The following RAB30 variants were observed in gnomAD, a reference collection of about 807,000 sequenced individuals.
RAB30 encodes the protein ras-related protein Rab-30.
Under a neutral mutation model 25.1 loss-of-function variants are expected in RAB30, and 9 were observed. That is an observed-to-expected ratio of 0.36 (90% confidence interval 0.22 to 0.63). The LOEUF (loss-of-function observed/expected upper bound fraction) is 0.63, where lower values mean the gene tolerates loss of function less well. Ranked by LOEUF, RAB30 falls within the 20% of genes least tolerant of loss-of-function variation. The pLI is 0.69. For missense variants in RAB30, 140 were observed against 243.5 expected (o/e 0.58, Z 2.83); for synonymous variants, 77 against 86.4 (o/e 0.89, Z 0.60).
chr11:83,057,733 A>G (rs1039532144), intron 1 of RAB30, among the ~76,000 whole-genome samples: 1 of 152,202 alleles, frequency 6.6e-6, no homozygotes, highest in Admixed American at 6.5e-5. Context: ...TGTTAAGTGG[A>G]TAACTAAATG....
intron 3 of RAB30, among the ~76,000 whole-genome samples, chr11:82,988,034 T>C (rs1410408073): frequency 6.6e-6 from 1 of 152,006 alleles, no homozygotes; most frequent in African/African-American, 2.4e-5. Flanking sequence ...AAGAGTTTCC[T>C]TTTCATTCTT....
intron 1 of RAB30, among the ~76,000 whole-genome samples, chr11:83,014,619 A>C (rs575760261): frequency 4.0e-5 from 4 of 98,954 alleles, no homozygotes; most frequent in African/African-American, 1.8e-4. Flanking sequence ...GAGACAAAGA[A>C]AGAAAGAAGT....
chr11:83,000,016 C>T (rs1400618211), intron 1 of RAB30, among the ~76,000 whole-genome samples: 4 of 152,154 alleles, frequency 2.6e-5, no homozygotes, highest in Non-Finnish European at 5.9e-5. Flanking sequence ...AACCCCTCCC[C>T]ATCATCATCA....
chr11:83,034,177 A>G (rs538634119), intron 1 of RAB30: 1 of 152,250 alleles, frequency 6.6e-6, no homozygotes, highest in East Asian at 1.9e-4. Context: ...CCTACCTTCA[A>G]TTTTCTCTCG....
chr11:82,998,380 A>G (rs539577455), intron 1 of RAB30, among the ~76,000 whole-genome samples: 1 of 151,982 alleles, frequency 6.6e-6, no homozygotes, highest in South Asian at 2.1e-4. Flanking sequence ...AAAACTTACA[A>G]AAGAACCTTA....
intron 1 of RAB30, among the ~76,000 whole-genome samples, chr11:82,998,839 G>A (rs1857015624): frequency 6.6e-6 from 1 of 152,202 alleles, no homozygotes; most frequent in Non-Finnish European, 1.5e-5. Flanking sequence ...GGGAGCTCAT[G>A]AGGGGAAGGG....
intron 1 of RAB30, among the ~76,000 whole-genome samples, chr11:83,043,253 C>T (rs559292191): frequency 4.6e-5 from 7 of 152,264 alleles, no homozygotes; most frequent in African/African-American, 1.7e-4. Flanking sequence ...TGTTCTAGAC[C>T]CCTCTAGAGC....
At chr11:83,055,304 G>A (rs1858435813) in intron 1 of RAB30, among the ~76,000 whole-genome samples, 1 of 152,200 alleles carries the variant, frequency 6.6e-6, no homozygotes, top group Non-Finnish European at 1.5e-5. Context: ...CATGAACCTG[G>A]TTTAGACTTT....
intron 1 of RAB30, among the ~76,000 whole-genome samples, chr11:83,049,006 T>C (rs182766715): frequency 6.3e-4 from 96 of 152,316 alleles, no homozygotes; most frequent in African/African-American, 2.2e-3. Context: ...AGAAACTTTT[T>C]AAAGTAGGTA....
chr11:83,027,547 G>A (rs1420414549), intron 1 of RAB30, among the ~76,000 whole-genome samples: 2 of 152,084 alleles, frequency 1.3e-5, no homozygotes, highest in African/African-American at 4.8e-5. Flanking sequence ...GTACCGTGAG[G>A]CTCAGAGCTA....
intron 1 of RAB30, among the ~76,000 whole-genome samples, chr11:83,057,284 A>G (rs1056703001): frequency 1.3e-5 from 2 of 151,874 alleles, no homozygotes; most frequent in Non-Finnish European, 2.9e-5. Flanking sequence ...GAAAAAATAG[A>G]TTTTTATTAC....
intron 1 of RAB30, among the ~76,000 whole-genome samples, chr11:83,014,545 C>A (rs1857372176): frequency 6.6e-6 from 1 of 150,836 alleles, no homozygotes; most frequent in Non-Finnish European, 1.5e-5. Flanking sequence ...GACCTCTTTC[C>A]TTTTGAAAGG....
At chr11:83,003,629 C>G (rs1177999921) in intron 1 of RAB30, among the ~76,000 whole-genome samples, 1 of 152,100 alleles carries the variant, frequency 6.6e-6, no homozygotes, top group African/African-American at 2.4e-5. Context: ...CCATGTTGGT[C>G]AGACTGGTCT....
chr11:83,005,386 T>G (rs1023066416), intron 1 of RAB30, among the ~76,000 whole-genome samples: 11 of 152,228 alleles, frequency 7.2e-5, no homozygotes, highest in African/African-American at 2.7e-4. Flanking sequence ...GTTTTCCACA[T>G]GTAATCTTAT....
chr11:83,042,029 CAAAA>C (rs61607477), intron 1 of RAB30, among the ~76,000 whole-genome samples: 1 of 95,128 alleles, frequency 1.1e-5, no homozygotes. Flanking sequence ...GACTCTGTCT[CAAAA>C]AAAAAAAAAA....
intron 2 of RAB30, among the ~76,000 whole-genome samples, chr11:82,995,749 A>C (rs544652398): frequency 7.9e-4 from 120 of 152,226 alleles, no homozygotes; most frequent in Non-Finnish European, 1.5e-3. Context: ...AATGTATAGG[A>C]GACAAATTAT....
intron 1 of RAB30, among the ~76,000 whole-genome samples, chr11:83,061,230 C>T (rs1326708337): frequency 6.6e-6 from 1 of 152,192 alleles, no homozygotes; most frequent in Non-Finnish European, 1.5e-5. Context: ...CTCTCTCTCT[C>T]TCTTTCTCCC....
intron 1 of RAB30, among the ~76,000 whole-genome samples, chr11:83,057,188 G>A (rs537077813): frequency 2.7e-5 from 4 of 150,754 alleles, no homozygotes; most frequent in East Asian, 1.9e-4. Context: ...TTTAAAATCC[G>A]GATCACTTGA....
chr11:83,017,067 G>A (rs988430300), intron 1 of RAB30, among the ~76,000 whole-genome samples: 1 of 152,108 alleles, frequency 6.6e-6, no homozygotes, highest in Admixed American at 6.6e-5. Context: ...AGCTGGGCAC[G>A]GTGGCTCACA....
Sources: allele counts gnomAD v4.1 joint callset (sites outside exome capture counted in the v4.1 genomes callset), GRCh38; gene constraint gnomAD v4.1.1; transcripts MANE v1.5; gene names NCBI Gene and HGNC (gene_info 2026-07-23, HGNC 2026-07-21).